Variants in PDGFRA observed in about 807,000 individuals in gnomAD.
The protein encoded by PDGFRA is platelet derived growth factor receptor alpha, also known as platelet-derived growth factor receptor alpha.
Under a neutral mutation model 121.5 loss-of-function variants are expected in PDGFRA, and 25 were observed. That is an observed-to-expected ratio of 0.21 (90% CI 0.15 to 0.29). The LOEUF is 0.29. PDGFRA is among the 10% of genes least tolerant of loss of function. The pLI, the probability that PDGFRA is intolerant of heterozygous loss-of-function variation, is 1.00. For missense variants in PDGFRA, 1,008 were observed against 1,345.1 expected (o/e 0.75, Z 3.92); for synonymous variants, 463 against 494.8 (o/e 0.94, Z 0.85).
In PDGFRA at chr4:54,263,811, C is replaced by T. The variant is rs758027394; in HGVS notation, c.512C>T (p.Ser171Phe). The T allele has an allele frequency of 2.5e-6, 4 of 1,613,894 alleles. No individual in the cohort carries two copies. In the African/African-American group the frequency reaches 5.3e-5, roughly 22 times the overall value. Residue 171 changes from serine (S) to phenylalanine (F), a missense_variant, in exon 4 of 23, where the codon TCC becomes TTC. By Grantham distance (155) the Ser-to-Phe change is radical (BLOSUM62 -2). Around this residue, in one of 5 missense-constraint regions of PDGFRA, gnomAD observed 575 missense variants for 701.8 expected, o/e 0.82. Transcript: ENST00000257290. ...AACAGTGAGGGGGTGGTACCTGCCT[C>T]CTACGACAGCAGACAGGGCTTTAAT... is the stretch of plus-strand genomic sequence containing the variant. ...LHNSEGVVPA[S>F]YDSRQGFNGT...
rs370656660 is a variant in PDGFRA at position 54,267,327 on chromosome 4, C to T, written c.798C>T (p.Val266=). Residue 266 remains valine (V), a synonymous_variant, in exon 6 of 23, where the codon GTC becomes GTT. Transcript: ENST00000257290. Reference sequence around the variant, plus strand: ...TCACAATGCTGGAAGAAATCAAAGTCCCATCCATCAAATTGGTGTACACTT... The same window carrying T: ...TCACAATGCTGGAAGAAATCAAAGTTCCATCCATCAAATTGGTGTACACTT... ...KGITMLEEIK[V]PSIKLVYTLT... 1.2e-6 allele frequency: 2 copies of T among 1,614,052 alleles called. No individual in the cohort carries two copies. Among genetic ancestry groups the T allele is most frequent in the African/African-American group, 2.7e-5 (2 of 74,924 alleles).
At chr4:54,234,416 G>GA (rs987720569) in intron 1 of PDGFRA, among the ~76,000 whole-genome samples, 2 of 152,216 alleles carry the variant, frequency 1.3e-5, no homozygotes, top group Non-Finnish European at 2.9e-5. Flanking sequence ...CACGTCCTTG[G>GA]ACCAACACTG....
intron 1 of PDGFRA, among the ~76,000 whole-genome samples, chr4:54,239,267 C>T (rs1167204115): frequency 2.0e-5 from 3 of 152,198 alleles, no homozygotes. Context: ...AATCTTCTAC[C>T]GCTTGTTGAG....
At chr4:54,273,213 G>C (rs1723500331) in intron 9 of PDGFRA, among the ~76,000 whole-genome samples, 1 of 152,178 alleles carries the variant, frequency 6.6e-6, no homozygotes, top group Non-Finnish European at 1.5e-5. Context: ...GGGAGATTGA[G>C]ATCATTAAAT....
intron 13 of PDGFRA, 111 bp downstream of exon 13, chr4:54,277,603 G>T: frequency 5.1e-6 from 4 of 777,802 alleles, no homozygotes; most frequent in Non-Finnish European, 9.1e-6. Flanking sequence ...TTAGGACTAG[G>T]TCCTGATTAT....
At chr4:54,288,268 G>A (rs1366360668) in intron 19 of PDGFRA, among the ~76,000 whole-genome samples, 2 of 152,154 alleles carry the variant, frequency 1.3e-5, no homozygotes, top group African/African-American at 4.8e-5. Flanking sequence ...ATTTATCTGT[G>A]ATCAGGATGT....
Position 54,274,833 on chromosome 4 carries a change from A to G in PDGFRA, c.1654-8A>G, listed in dbSNP as rs1028286695. 6.2e-7 allele frequency: 1 copy of G among 1,613,984 alleles called. No individual in the cohort carries two copies. The highest frequency in any genetic ancestry group is 1.3e-5 in the African/African-American group (1 of 74,886). On this transcript the variant is annotated splice_polypyrimidine_tract_variant and splice_region_variant and intron_variant, in intron 11 of 22. Coordinates refer to ENST00000257290, the MANE Select transcript of PDGFRA (RefSeq NM_006206.6). ...AATTCACCAGTTACCTGTCCTGGTC[A>G]TTTATAGAAACCGAGGTATGAAATT...
At chr4:54,263,163 T>G (rs1649770786) in intron 3 of PDGFRA, among the ~76,000 whole-genome samples, 1 of 152,180 alleles carries the variant, frequency 6.6e-6, no homozygotes, top group South Asian at 2.1e-4. Flanking sequence ...GTGGTAAGAG[T>G]TTTTAAAAGC....
intron 18 of PDGFRA, among the ~76,000 whole-genome samples, chr4:54,286,356 T>C (rs1724363033): frequency 6.8e-6 from 1 of 147,262 alleles, no homozygotes; most frequent in Admixed American, 6.7e-5. Flanking sequence ...TATTTATTTA[T>C]TTATTTTCTT....
chr4:54,271,616 TCTC>T (rs1246423673), intron 8 of PDGFRA, among the ~76,000 whole-genome samples: 1 of 145,350 alleles, frequency 6.9e-6, no homozygotes, highest in Non-Finnish European at 1.5e-5. Flanking sequence ...CTTTCCTTTC[TCTC>T]CTTCCTTCCC....
At chr4:54,278,092 C>G (rs984680094) in intron 14 of PDGFRA, 86 bp downstream of exon 14, 1 of 838,924 alleles carries the variant, frequency 1.2e-6, no homozygotes, top group African/African-American at 1.7e-5. Flanking sequence ...CCTCCACTCT[C>G]CATCCCCACA....
At chr4:54,278,293 G>A (rs1040110775) in intron 14 of PDGFRA, 69 bp from the exon 15 acceptor site, 2 of 1,287,032 alleles carry the variant, frequency 1.6e-6, no homozygotes, top group African/African-American at 3.0e-5. Context: ...CATATGGTCT[G>A]CAGGACAATT....
Position 54,297,577 on chromosome 4 carries a change from A to G in PDGFRA, c.*2305A>G, listed in dbSNP as rs1724936103. 4.3e-6 allele frequency: 1 copy of G among 233,516 alleles called. No individual in the cohort carries two copies. The highest frequency in any genetic ancestry group is 8.5e-6 in the Non-Finnish European group (1 of 118,060). The allele number at this position is 233,516 out of a possible 1,614,324, so 14.5% of individuals were successfully genotyped here. On this transcript the variant is annotated 3_prime_UTR_variant, in exon 23 of 23. Coordinates refer to ENST00000257290, the MANE Select transcript of PDGFRA (RefSeq NM_006206.6). ...GCTGTGAGCCTTGCATGACATCATG[A>G]GGCCGGATGAAACTTCTCAGTCCAG...
intron 16 of PDGFRA, chr4:54,281,909 A>G: frequency 1.7e-6 from 2 of 1,155,352 alleles, no homozygotes; most frequent in African/African-American, 1.6e-5. Context: ...GGTTGATTTT[A>G]TTAACAAATT....
At chr4:54,237,517 C>A (rs1228151547) in intron 1 of PDGFRA, among the ~76,000 whole-genome samples, 1 of 152,164 alleles carries the variant, frequency 6.6e-6, no homozygotes, top group Non-Finnish European at 1.5e-5. Context: ...GCTCTGGAGG[C>A]CTTGTTTGAA....
chr4:54,249,521 A>G (rs531443309), intron 1 of PDGFRA, among the ~76,000 whole-genome samples: 1 of 152,252 alleles, frequency 6.6e-6, no homozygotes, highest in South Asian at 2.1e-4. Flanking sequence ...ATTCTCAGTA[A>G]ACTATCGCAA....
At chr4:54,278,861 GTC>G in intron 15 of PDGFRA, 1 of 486,144 alleles carries the variant, frequency 2.1e-6, no homozygotes, top group Non-Finnish European at 4.0e-6. Context: ...TGCAAGAACT[GTC>G]TGTGGATCTC....
intron 1 of PDGFRA, among the ~76,000 whole-genome samples, chr4:54,246,340 A>G (rs552940646): frequency 2.6e-5 from 4 of 152,330 alleles, no homozygotes; most frequent in Non-Finnish European, 5.9e-5. Flanking sequence ...CAGCAAATGT[A>G]AAAGAACAGA....
chr4:54,244,713 A>C (rs1202492931), intron 1 of PDGFRA, among the ~76,000 whole-genome samples: 1 of 152,272 alleles, frequency 6.6e-6, no homozygotes, highest in African/African-American at 2.4e-5. Flanking sequence ...ACAAAGCTGG[A>C]CGGAGAATGA....
Sources: gnomAD v4.1 joint callset for allele counts (sites outside exome capture counted in the v4.1 genomes callset) on GRCh38, gnomAD v4.1.1 for gene constraint, gnomAD v4.1.1 regional missense constraint, MANE v1.5 for transcripts, NCBI Gene and HGNC (gene_info 2026-07-23, HGNC 2026-07-21) for gene names.